The following CCDC27 variants were observed in gnomAD, a reference collection of about 807,000 sequenced individuals.
CCDC27 encodes the protein coiled-coil domain-containing protein 27.
A neutral mutation model predicts 80.3 loss-of-function variants in CCDC27; 80 were observed. The ratio of observed to expected loss-of-function variants is 1.00; its 90% CI spans 0.83 to 1.20. CCDC27 has a LOEUF of 1.20. CCDC27 is among the 50% of genes most tolerant of loss of function. CCDC27 has a pLI of 0.00. For synonymous variants in CCDC27, 342 were observed against 334.3 expected (o/e 1.02, Z -0.25); for missense variants, 815 against 809.4 (o/e 1.01, Z -0.08).
chr1:3,763,472 C>T lies in CCDC27; in HGVS notation c.1319C>T (p.Thr440Ile). 1 of 1,592,030 alleles carries T rather than the reference C, an allele frequency of 6.3e-7. No homozygotes were observed. The highest frequency in any genetic ancestry group is 1.1e-5 in the South Asian group (1 of 88,136). ...EATRTRYSLA[T>I]GVIASLQQQV... is the part of the protein sequence containing the mutation. ...ACCAGGACCAGATACTCCCTTGCAACAGGTAGGGCCTCGGCGGGGGGCACT... is the reference window on the plus strand; with the variant it reads ...ACCAGGACCAGATACTCCCTTGCAATAGGTAGGGCCTCGGCGGGGGGCACT... Residue 440 changes from threonine (T) to isoleucine (I), a missense_variant and splice_region_variant, in exon 7 of 12, where the codon ACA becomes ATA. By Grantham distance (89) the Thr-to-Ile change is moderately conservative. Coordinates refer to ENST00000294600, the MANE Select transcript of CCDC27 (RefSeq NM_152492.3). The surrounding 1 kb of genome is among the most constrained non-coding windows in gnomAD (Gnocchi z 7.5).
chr1:3,758,055 C>T (rs1278201108), intron 4 of CCDC27, among the ~76,000 whole-genome samples: 1 of 151,858 alleles, frequency 6.6e-6, no homozygotes, highest in Non-Finnish European at 1.5e-5. Flanking sequence ...GCACCCAGCA[C>T]CTTTTTTCTT....
intron 3 of CCDC27, 76 bp from the exon 4 acceptor site, chr1:3,756,657 T>C: frequency 6.6e-7 from 1 of 1,521,122 alleles, no homozygotes; most frequent in South Asian, 1.2e-5. Context: ...GAAGGGTGGA[T>C]GTCGTCATCG....
rs148011284 is a variant in CCDC27, at chr1:3,763,805, G to T, written c.1421G>T (p.Arg474Leu). 15 of 1,613,736 alleles carry T rather than the reference G, an allele frequency of 9.3e-6. 1 individual carries two copies. The South Asian group carries it at 1.3e-4, about 14-fold the overall frequency. ...ACGCTGCAGAAGGAGCTCCGAGAGC[G>T]GAGGCAGCAGCTACAAGCCATGACC... ...NETLQKELRERRQQLQAMTDK... is the reference protein window; with the variant it reads ...NETLQKELRELRQQLQAMTDK... Residue 474 changes from arginine to leucine, a missense_variant, in exon 8 of 12, where the codon CGG becomes CTG. Arg to Leu is a moderately radical substitution (Grantham distance 102). Transcript: ENST00000294600. This position sits in a 1 kb window ranked among gnomAD's most constrained non-coding sequence, Gnocchi z 7.5.
intron 4 of CCDC27, among the ~76,000 whole-genome samples, chr1:3,758,337 C>T (rs967970306): frequency 7.2e-5 from 11 of 151,920 alleles, no homozygotes; most frequent in Admixed American, 6.6e-4. Flanking sequence ...TACAGGCACG[C>T]ACCACCACAC....
chr1:3,770,032 C>T, intron 11 of CCDC27, 145 bp downstream of exon 11: 1 of 653,142 alleles, frequency 1.5e-6, no homozygotes, highest in Non-Finnish European at 2.7e-6. Context: ...CAGGACCCTC[C>T]TTTCTCTCAG....
intron 1 of CCDC27, 130 bp downstream of exon 1, chr1:3,752,929 G>A (rs1182650858): frequency 1.4e-5 from 15 of 1,083,218 alleles, no homozygotes; most frequent in Admixed American, 8.0e-5. Context: ...TACCAAAGGG[G>A]GATTCCAGGC....
chr1:3,762,383 T>C (rs1357101516), intron 5 of CCDC27, among the ~76,000 whole-genome samples: 1 of 152,142 alleles, frequency 6.6e-6, no homozygotes, highest in African/African-American at 2.4e-5. Flanking sequence ...GCAAGGCCAC[T>C]TGCTGGGGGC....
intron 4 of CCDC27, among the ~76,000 whole-genome samples, chr1:3,758,044 T>C (rs2124591669): frequency 6.6e-6 from 1 of 152,278 alleles, no homozygotes; most frequent in East Asian, 1.9e-4. Context: ...TGTGAGCCAC[T>C]GCACCCAGCA....
rs150589319 is a variant in CCDC27, at chr1:3,763,152, C to G, written c.999C>G (p.Asp333Glu). 1 of 1,490,548 alleles carries G rather than the reference C, an allele frequency of 6.7e-7. No individual in the cohort carries two copies. The highest frequency in any genetic ancestry group is 8.9e-7 in the Non-Finnish European group (1 of 1,119,342). The allele number at this position is 1,490,548 out of a possible 1,614,324, so 92.3% of individuals were successfully genotyped here. A position where few individuals can be genotyped will look rare whatever the true frequency, so the allele number is the denominator to read the frequency against. The change falls in exon 7 of 12, where the codon GAC (aspartate) becomes GAG (glutamate). Residue 333 changes from aspartate to glutamate, a missense_variant. By Grantham distance (45) the Asp-to-Glu change is conservative (BLOSUM62 2). Transcript: ENST00000294600. This position sits in a 1 kb window ranked among gnomAD's most constrained non-coding sequence, Gnocchi z 7.5. ...SAAPERGKEP[D>E]LGGGEEDEGL... is the part of the protein sequence containing the mutation. ...CACCGGAGAGGGGCAAGGAGCCCGACCTGGGAGGTGGCGAGGAGGACGAGG... is the reference window on the plus strand; with the variant it reads ...CACCGGAGAGGGGCAAGGAGCCCGAGCTGGGAGGTGGCGAGGAGGACGAGG...
Position 3,763,356 on chromosome 1 carries a change from C to T in CCDC27, c.1203C>T (p.Ser401=), listed in dbSNP as rs1314960900. Residue 401 remains serine, a synonymous_variant, in exon 7 of 12, where the codon TCC becomes TCT. Coordinates refer to ENST00000294600, the MANE Select transcript of CCDC27 (RefSeq NM_152492.3). This position sits in a 1 kb window ranked among gnomAD's most constrained non-coding sequence, Gnocchi z 7.5. ...EEEEIPRRRA[S]SLAESFEEEL... ...AGGAGATCCCCAGGAGAAGGGCCTC[C>T]TCCCTGGCCGAGTCGTTTGAGGAGG... 3.7e-6 allele frequency: 6 copies of T among 1,612,882 alleles called. No homozygotes were observed. Among genetic ancestry groups the T allele is most frequent in the Non-Finnish European group, 5.1e-6 (6 of 1,179,984 alleles).
rs761849296 is a variant in CCDC27, at chr1:3,767,342, T to G, written c.1640T>G (p.Leu547Arg). The change falls in exon 10 of 12, where the codon CTG becomes CGG. Residue 547 changes from leucine (L) to arginine (R), a missense_variant. Leu to Arg is a moderately radical substitution (Grantham distance 102). Coordinates refer to ENST00000294600, the MANE Select transcript of CCDC27 (RefSeq NM_152492.3). ...QEQVELDQNH[L>R]QRWKQLQEDL... The stretch of plus-strand genomic sequence containing the variant: ...CAGGTGGAACTGGACCAGAACCACC[T>G]GCAGAGGTGGAAGCAGCTGCAGGAG... 7.4e-6 allele frequency: 12 copies of G among 1,614,042 alleles called. No individual in the cohort carries two copies. In the South Asian group the frequency reaches 1.3e-4, roughly 18 times the overall value.
chr1:3,770,046 A>G, intron 11 of CCDC27, among the ~76,000 whole-genome samples, 159 bp downstream of exon 11: 1 of 152,156 alleles, frequency 6.6e-6, no homozygotes, highest in Non-Finnish European at 1.5e-5. Context: ...CTCTCAGCTC[A>G]GGCAGAGGGG....
At position 3,769,100 on chromosome 1, in the gene CCDC27, C is replaced by T. The variant is rs1318024191; in HGVS notation, c.1744-683C>T. Among the ~76,000 whole-genome samples the T allele has an allele frequency of 2.0e-5, 3 of 152,116 alleles. No individual in the cohort carries two copies. Among genetic ancestry groups the T allele is most frequent in the Admixed American group, 6.5e-5 (1 of 15,288 alleles). On this transcript the variant is annotated intron_variant, in intron 10 of 11. Transcript: ENST00000294600. The surrounding 1 kb of genome is among the most constrained non-coding windows in gnomAD (Gnocchi z 4.6). ...GACGAGGAACTCGTGCTGAGCGTGCCGCATAACTCAAGGGGTTCCTGTCTG... is the reference window on the plus strand; with the variant it reads ...GACGAGGAACTCGTGCTGAGCGTGCTGCATAACTCAAGGGGTTCCTGTCTG...
chr1:3,756,588 G>C, intron 3 of CCDC27, 145 bp from the exon 4 acceptor site: 5 of 768,928 alleles, frequency 6.5e-6, no homozygotes, highest in Non-Finnish European at 6.3e-6. Context: ...AGGGTGACAA[G>C]AGTTAGGAGA....
chr1:3,770,812 G>A lies in CCDC27; in HGVS notation c.1849-589G>A, dbSNP rs574527795. ...GTTGTCTGGGGGAGGGGAGGAGGAA[G>A]GGGAGAGAAAGAGGAAGAGAAGAGG... On this transcript the variant is annotated intron_variant, in intron 11 of 11. Coordinates refer to ENST00000294600, the MANE Select transcript of CCDC27 (RefSeq NM_152492.3). Among the ~76,000 whole-genome samples, 21 of 130,178 alleles carry A rather than the reference G, an allele frequency of 1.6e-4. 3 individuals are homozygous for A. The highest frequency in any genetic ancestry group is 6.2e-4 in the African/African-American group (19 of 30,656). The allele number at this position is 130,178 out of a possible 152,430, so 85.4% of individuals were successfully genotyped here. A position where few individuals can be genotyped will look rare whatever the true frequency, so the allele number is the denominator to read the frequency against.
chr1:3,755,425 A>C, intron 2 of CCDC27, 32 bp from the exon 3 acceptor site: 1 of 1,553,540 alleles, frequency 6.4e-7, no homozygotes, highest in South Asian at 1.1e-5. Flanking sequence ...AGACCGCAGC[A>C]GTCACCAGAT....
intron 3 of CCDC27, chr1:3,756,435 G>A (rs998646181): frequency 8.5e-5 from 23 of 271,594 alleles, no homozygotes; most frequent in South Asian, 1.5e-4. Flanking sequence ...TGACCCCCTC[G>A]TCCCGACTCC....
chr1:3,769,811 AG>A lies in CCDC27; in HGVS notation c.1774del (p.Ala592ProfsTer38). ...RLERLRNKII[Q>X]ATFSISGTKS... ...GAGAGGTTAAGGAATAAGATCATCC[AG>A]GCCACCTTTAGCATCTCCGGGACCA... On this transcript the variant is annotated frameshift_variant, in exon 11 of 12. Transcript: ENST00000294600. LOFTEE classifies it high-confidence loss of function. This position sits in a 1 kb window ranked among gnomAD's most constrained non-coding sequence, Gnocchi z 4.6. 6.2e-7 allele frequency: 1 copy of A among 1,614,010 alleles called. No homozygotes were observed. The highest frequency in any genetic ancestry group is 1.3e-5 in the African/African-American group (1 of 74,996).
rs375604049 is a variant in CCDC27 at position 3,769,633 on chromosome 1, G to A, written c.1744-150G>A. 30 of 643,344 alleles carry A rather than the reference G, an allele frequency of 4.7e-5. No individual in the cohort carries two copies. The Middle Eastern group carries it at 1.2e-3, about 26-fold the overall frequency. 39.9% of individuals were successfully genotyped at this position (643,344 alleles called of 1,614,324 possible). A position where few individuals can be genotyped will look rare whatever the true frequency, so the allele number is the denominator to read the frequency against. On this transcript the variant is annotated intron_variant, in intron 10 of 11. Coordinates refer to ENST00000294600, the MANE Select transcript of CCDC27 (RefSeq NM_152492.3). The surrounding 1 kb of genome is among the most constrained non-coding windows in gnomAD (Gnocchi z 4.6). ...TCAGACAATCCACATTGACTTCTCT[G>A]ACACCTGTTTCCAGTTTCTAAAGCC...
Sources: gnomAD v4.1 joint callset for allele counts (sites outside exome capture counted in the v4.1 genomes callset) on GRCh38, gnomAD v4.1.1 for gene constraint, Gnocchi (gnomAD v3.1) non-coding constraint, MANE v1.5 for transcripts, NCBI Gene and HGNC (gene_info 2026-07-23, HGNC 2026-07-21) for gene names.